Variants in SLC35D1 observed in about 807,000 individuals in gnomAD.
SLC35D1 encodes nucleotide sugar transporter SLC35D1.
Under a neutral mutation model 46.7 loss-of-function variants are expected in SLC35D1, and 31 were observed. The ratio of observed to expected loss-of-function variants is 0.66; its 90% CI spans 0.50 to 0.90. SLC35D1 has a LOEUF of 0.90. SLC35D1 is among the 40% of genes least tolerant of loss of function. The pLI is 0.00. For missense variants in SLC35D1, 397 were observed against 426.2 expected, an observed-to-expected ratio of 0.93 and a Z score of 0.60; for synonymous variants, 195 against 164.6, an observed-to-expected ratio of 1.18 and a Z score of -1.41.
chr1:66,985,662 T>G, the SLC35D1 span: 1 of 985,134 alleles, frequency 1.0e-6, no homozygotes, highest in Non-Finnish European at 1.2e-6. Flanking sequence ...CTTGTACAGT[T>G]GGTAAACTTT....
At chr1:67,008,288 G>A (rs1020873934) in intron 11 of SLC35D1, 3 of 459,270 alleles carry the variant, frequency 6.5e-6, no homozygotes, top group South Asian at 2.1e-5. Flanking sequence ...ACAGGTGCCT[G>A]CCACCACATC....
At chr1:67,024,973 T>C (rs763315563) in intron 8 of SLC35D1, among the ~76,000 whole-genome samples, 12 of 152,084 alleles carry the variant, frequency 7.9e-5, no homozygotes, top group Non-Finnish European at 1.2e-4. Context: ...GTCTCAAACT[T>C]CTGGCCTCAA....
intron 7 of SLC35D1, among the ~76,000 whole-genome samples, chr1:67,046,169 A>C (rs565623819): frequency 3.9e-5 from 6 of 152,330 alleles, no homozygotes; most frequent in South Asian, 4.1e-4. Context: ...CAAAACAAAA[A>C]AAAATAAACT....
At chr1:67,047,466 T>C in intron 6 of SLC35D1, 99 bp from the exon 7 acceptor site, 1 of 1,046,722 alleles carries the variant, frequency 9.6e-7, no homozygotes, top group Non-Finnish European at 1.4e-6. Context: ...TATTCTCATC[T>C]AGGGAAGTGA....
At chr1:67,004,590 T>C in intron 11 of SLC35D1, 142 bp from the exon 12 acceptor site, 2 of 700,588 alleles carry the variant, frequency 2.9e-6, no homozygotes, top group South Asian at 1.6e-5. Context: ...TGAAGTACTA[T>C]GCATCCATTA....
intron 3 of SLC35D1, among the ~76,000 whole-genome samples, chr1:67,052,356 T>C (rs191314719): frequency 6.6e-6 from 1 of 152,184 alleles, no homozygotes; most frequent in East Asian, 1.9e-4. Flanking sequence ...TGCTGTAAAA[T>C]ATGATAATGT....
At chr1:66,983,531 C>CT in the SLC35D1 span, among the ~76,000 whole-genome samples, 1 of 152,100 alleles carries the variant, frequency 6.6e-6, no homozygotes, top group Non-Finnish European at 1.5e-5. Flanking sequence ...CTAAAATGAA[C>CT]TTTTGTTTTC....
chr1:66,997,519 A>AAAAATATATAT (rs1553262615), downstream of SLC35D1, among the ~76,000 whole-genome samples: 1 of 74,030 alleles, frequency 1.4e-5, no homozygotes, highest in East Asian at 4.1e-4. Flanking sequence ...AAAAAAAAAA[A>AAAAATATATAT]ATATATATAT....
chr1:67,003,912 G>T lies in SLC35D1; in HGVS notation c.*428C>A, dbSNP rs530569760. Reference sequence around the variant, plus strand: ...CAAAGAAGAGAAATTTCACATATTCGTCTGCATTTCCAGCAGAGGAAAGGC... The same window carrying T: ...CAAAGAAGAGAAATTTCACATATTCTTCTGCATTTCCAGCAGAGGAAAGGC... On this transcript the variant is annotated 3_prime_UTR_variant, in exon 12 of 12. Transcript: ENST00000235345. 3.3e-4 allele frequency: 67 copies of T among 201,148 alleles called. No individual in the cohort carries two copies. Among genetic ancestry groups the T allele is most frequent in the Non-Finnish European group, 6.2e-4 (60 of 97,280 alleles). 12.5% of individuals were successfully genotyped at this position (201,148 alleles called of 1,614,324 possible).
At chr1:66,990,224 C>A in the SLC35D1 span, among the ~76,000 whole-genome samples, 1 of 152,114 alleles carries the variant, frequency 6.6e-6, no homozygotes, top group African/African-American at 2.4e-5. Context: ...GTTTAGTAGA[C>A]AAATGTTTGC....
rs1558154510 is a variant in SLC35D1 at position 67,020,353 on chromosome 1, G to A, written c.876+16C>T. 6.6e-7 allele frequency: 1 copy of A among 1,520,820 alleles called. No individual in the cohort carries two copies. The highest frequency in any genetic ancestry group is 1.7e-4 in the Middle Eastern group (1 of 5,868). The allele number at this position is 1,520,820 out of a possible 1,614,324, so 94.2% of individuals were successfully genotyped here. A position where few individuals can be genotyped will look rare whatever the true frequency, so the allele number is the denominator to read the frequency against. On this transcript the variant is annotated intron_variant, in intron 10 of 11. Transcript: ENST00000235345. Reference sequence around the variant, plus strand: ...ATAATGCAGGTACCAAAAGCTAACAGTATTTTTCTACTTACCTTAATACAG... The same window carrying A: ...ATAATGCAGGTACCAAAAGCTAACAATATTTTTCTACTTACCTTAATACAG...
At chr1:67,020,273 C>T (rs187532595) in intron 10 of SLC35D1, 96 bp downstream of exon 10, 54 of 793,024 alleles carry the variant, frequency 6.8e-5, no homozygotes, top group African/African-American at 6.4e-4. Flanking sequence ...GAGGAAATAA[C>T]GATTTGGGTC....
intron 8 of SLC35D1, among the ~76,000 whole-genome samples, chr1:67,035,337 C>G (rs925982997): frequency 6.6e-6 from 1 of 152,114 alleles, no homozygotes; most frequent in Non-Finnish European, 1.5e-5. Context: ...CTTTCCTTTG[C>G]TTGGAGAGTT....
At chr1:67,007,180 G>A (rs951244345) in intron 11 of SLC35D1, among the ~76,000 whole-genome samples, 2 of 152,166 alleles carry the variant, frequency 1.3e-5, no homozygotes, top group African/African-American at 4.8e-5. Flanking sequence ...CATTTGGGTT[G>A]CTATAACAAA....
chr1:66,999,534 G>A lies in SLC35D1; in HGVS notation c.*4806C>T, dbSNP rs928532469. 6 of 152,180 alleles carry A rather than the reference G, an allele frequency of 3.9e-5. No homozygotes were observed. Among genetic ancestry groups the A allele is most frequent in the African/African-American group, 1.4e-4 (6 of 41,398 alleles). 9.4% of individuals were successfully genotyped at this position (152,180 alleles called of 1,614,324 possible). ...ATAGACTCTAAAATGAAAAAATACT[G>A]TGAGAAGCTAACACCTGTAGACAAA... On this transcript the variant is annotated 3_prime_UTR_variant, in exon 12 of 12. Coordinates refer to ENST00000235345, the MANE Select transcript of SLC35D1 (RefSeq NM_015139.3).
rs1645319976 is a variant in SLC35D1, at chr1:67,052,482, C to T, written c.324+289G>A. On this transcript the variant is annotated intron_variant, in intron 3 of 11. Coordinates refer to ENST00000235345, the MANE Select transcript of SLC35D1 (RefSeq NM_015139.3). Reference sequence around the variant, plus strand: ...CCCAAAGAATAATGAATGCAGGATACACTGGCTAGATTAGATGGATAGAGA... The same window carrying T: ...CCCAAAGAATAATGAATGCAGGATATACTGGCTAGATTAGATGGATAGAGA... 2.0e-5 allele frequency among the ~76,000 whole-genome samples: 3 copies of T among 152,072 alleles called. No homozygotes were observed. The South Asian group carries it at 6.2e-4, about 32-fold the overall frequency.
chr1:66,985,831 T>G, the SLC35D1 span: 3 of 848,010 alleles, frequency 3.5e-6, no homozygotes, highest in Non-Finnish European at 4.2e-6. Flanking sequence ...TTTTTTTTTT[T>G]TTTTTTAAAT....
At chr1:66,976,845 G>A in the SLC35D1 span, 23 of 771,848 alleles carry the variant, frequency 3.0e-5, no homozygotes, top group South Asian at 2.2e-4. Flanking sequence ...CCAGAAGGCC[G>A]AGAGTGATAA....
intron 4 of SLC35D1, among the ~76,000 whole-genome samples, chr1:67,050,925 A>C (rs1645302451): frequency 6.6e-6 from 1 of 152,194 alleles, no homozygotes; most frequent in African/African-American, 2.4e-5. Flanking sequence ...GTCTTCATCT[A>C]AATTCCCAGA....
Sources: gnomAD v4.1 joint callset for allele counts (sites outside exome capture counted in the v4.1 genomes callset) on GRCh38, gnomAD v4.1.1 for gene constraint, MANE v1.5 for transcripts, NCBI Gene and HGNC (gene_info 2026-07-23, HGNC 2026-07-21) for gene names.